DHX57: variants seen among roughly 807,000 people sequenced by gnomAD.
The protein encoded by DHX57 is DExH-box helicase 57, also known as putative ATP-dependent RNA helicase DHX57.
A neutral mutation model predicts 156.2 loss-of-function variants in DHX57; 105 were observed. That is an observed-to-expected ratio of 0.67 (90% confidence interval 0.57 to 0.79). The LOEUF is 0.79. DHX57 is among the 30% of genes least tolerant of loss of function. The pLI, the probability that DHX57 is intolerant of heterozygous loss-of-function variation, is 0.00. For synonymous variants in DHX57, 704 were observed against 595.6 expected, an observed-to-expected ratio of 1.18 and a Z score of -2.65; for missense variants, 1,847 against 1,661.9, an observed-to-expected ratio of 1.11 and a Z score of -1.94.
In DHX57 at chr2:38,844,356, C is replaced by T. The variant is rs1311337405; in HGVS notation, c.2220-1146G>A. 3.7e-4 allele frequency among the ~76,000 whole-genome samples: 2 copies of T among 5,418 alleles called. 1 individual carries two copies. The highest frequency in any genetic ancestry group is 3.7e-4 in the African/African-American group (2 of 5,346). The allele number at this position is 5,418 out of a possible 152,430, so 3.6% of individuals were successfully genotyped here. Reference sequence around the variant, plus strand: ...CTAATAAAGAAATGATTAGGCCGGGCGCGGTGGCTCACGCCTGTAATCCCA... The same window carrying T: ...CTAATAAAGAAATGATTAGGCCGGGTGCGGTGGCTCACGCCTGTAATCCCA... On this transcript the variant is annotated intron_variant, in intron 11 of 23. Coordinates refer to ENST00000457308, the MANE Select transcript of DHX57 (RefSeq NM_198963.3).
At chr2:38,856,521 T>G (rs1672907771) in intron 6 of DHX57, 60 bp from the exon 7 acceptor site, 9 of 1,476,030 alleles carry the variant, frequency 6.1e-6, no homozygotes, top group Non-Finnish European at 8.1e-6. Context: ...TTTTTTTTTT[T>G]TGAGACAGGG....
At chr2:38,802,357 G>A (rs55722804) in intron 23 of DHX57, among the ~76,000 whole-genome samples, 10,706 of 150,826 alleles carry the variant, frequency 0.071, 514 homozygotes, top group Non-Finnish European at 0.1. Flanking sequence ...GCACGATCTC[G>A]GCTCACTGCA....
intron 13 of DHX57, among the ~76,000 whole-genome samples, chr2:38,829,765 G>A (rs1671288254): frequency 6.6e-6 from 1 of 151,952 alleles, no homozygotes; most frequent in African/African-American, 2.4e-5. Flanking sequence ...AACCTTATAA[G>A]ACAGGAAGAC....
chr2:38,798,217 T>G lies in DHX57; in HGVS notation c.*82A>C. ...CACCAGGGCCAGCCCCAATAGGTCT[T>G]TAGTTCGAGGTAGAGGTTCTGCTGT... On this transcript the variant is annotated 3_prime_UTR_variant, in exon 24 of 24. Transcript: ENST00000457308. 1 of 1,530,470 alleles carries G rather than the reference T, an allele frequency of 6.5e-7. No homozygotes were observed. Among genetic ancestry groups the G allele is most frequent in the Non-Finnish European group, 8.8e-7 (1 of 1,140,380 alleles). 94.8% of individuals were successfully genotyped at this position (1,530,470 alleles called of 1,614,324 possible).
intron 21 of DHX57, chr2:38,811,366 C>T (rs1429297004): frequency 5.6e-6 from 3 of 537,874 alleles, no homozygotes; most frequent in Admixed American, 2.2e-5. Context: ...GAGCAATTTC[C>T]ACTTGTTTGC....
At chr2:38,814,741 A>G (rs963655047) in intron 20 of DHX57, among the ~76,000 whole-genome samples, 7 of 145,106 alleles carry the variant, frequency 4.8e-5, no homozygotes, top group African/African-American at 1.8e-4. Flanking sequence ...TTTTTTTTTG[A>G]GACAGAGTTT....
At chr2:38,811,191 C>T (rs769489919) in intron 21 of DHX57, 1 of 493,978 alleles carries the variant, frequency 2.0e-6, no homozygotes, top group Admixed American at 2.7e-5. Context: ...TCTGCATATT[C>T]CATCAGATCA....
At chr2:38,823,319 G>T in intron 16 of DHX57, 50 bp from the exon 17 acceptor site, 1 of 1,516,028 alleles carries the variant, frequency 6.6e-7, no homozygotes, top group Non-Finnish European at 9.0e-7. Context: ...CTGGTGGGAT[G>T]ACACAGAGGA....
Position 38,815,637 on chromosome 2 carries a change from G to T in DHX57, c.3490C>A (p.Arg1164=). The change falls in exon 20 of 24, where the codon CGA becomes AGA. Residue 1164 remains arginine, a synonymous_variant. Transcript: ENST00000457308. ...TCCGATAACAGTTCCGTGAATTGTC[G>T]TTTGAGGCTGGCCATTTCCTGAAAG... The part of the protein sequence containing the change: ...RVLQEMASLK[R]QFTELLSDIG... 2 of 1,614,010 alleles carry T rather than the reference G, an allele frequency of 1.2e-6. No individual in the cohort carries two copies. The highest frequency in any genetic ancestry group is 1.3e-5 in the African/African-American group (1 of 74,980).
rs192704380 is a variant in DHX57 at position 38,850,640 on chromosome 2, T to A, written c.2031-2238A>T. ...TGAAAACATTCTTATACTACTTAGC[T>A]CTTTTTAATGAGCTAATTTAATTAC... On this transcript the variant is annotated intron_variant, in intron 9 of 23. Transcript: ENST00000457308. 9.1e-4 allele frequency among the ~76,000 whole-genome samples: 139 copies of A among 152,172 alleles called. 1 individual carries two copies. Among genetic ancestry groups the A allele is most frequent in the Middle Eastern group, 3.4e-3 (1 of 294 alleles).
rs34221239 is a variant in DHX57, at chr2:38,807,945, C to CT, written c.3682-1253dup. On this transcript the variant is annotated intron_variant, in intron 21 of 23. Transcript: ENST00000457308. ...ACAGGCGTGAGCCACTGTGTCTTGC[C>CT]TTTTTTTTTTTTTTTTTTTTTTTTT... Among the ~76,000 whole-genome samples the CT allele has an allele frequency of 4.0e-3, 217 of 54,262 alleles. 70 individuals are homozygous for CT. Among genetic ancestry groups the CT allele is most frequent in the Non-Finnish European group, 5.9e-3 (166 of 28,110 alleles). The allele number at this position is 54,262 out of a possible 152,430, so 35.6% of individuals were successfully genotyped here.
At position 38,868,230 on chromosome 2, in the gene DHX57, T is replaced by C. The variant is rs1007144645; in HGVS notation, c.176A>G (p.Asp59Gly). Residue 59 changes from aspartate to glycine, a missense_variant, in exon 2 of 24, where the codon GAT becomes GGT. Physicochemically the swap from Asp to Gly is moderately conservative, Grantham distance 94. Transcript: ENST00000457308. ...GAAGATACAAAAGTCATCTCCATCA[T>C]CCCATATTCTACTGGAGGCCTTTCT... ...GNRKASSRIWDDGDDFCIFSE... is the reference protein window; with the variant it reads ...GNRKASSRIWGDGDDFCIFSE... 4 of 1,614,090 alleles carry C rather than the reference T, an allele frequency of 2.5e-6. No homozygotes were observed. The highest frequency in any genetic ancestry group is 3.4e-6 in the Non-Finnish European group (4 of 1,180,012).
At chr2:38,846,627 A>G (rs1355764328) in intron 11 of DHX57, among the ~76,000 whole-genome samples, 1 of 151,780 alleles carries the variant, frequency 6.6e-6, no homozygotes, top group East Asian at 1.9e-4. Context: ...AAAAAAAAAA[A>G]AAAAGAAAGA....
intron 12 of DHX57, among the ~76,000 whole-genome samples, 156 bp downstream of exon 12, chr2:38,842,849 A>G (rs925271902): frequency 6.6e-6 from 1 of 152,222 alleles, no homozygotes; most frequent in African/African-American, 2.4e-5. Context: ...CTAAATATGT[A>G]TCTGAACTAT....
intron 6 of DHX57, chr2:38,857,058 C>A (rs1323975403): frequency 1.3e-5 from 2 of 153,688 alleles, no homozygotes; most frequent in Admixed American, 1.3e-4. Context: ...CCAGTACTGT[C>A]CAATAGAACT....
intron 7 of DHX57, 117 bp from the exon 8 acceptor site, chr2:38,855,369 T>A (rs1234806422): frequency 3.5e-6 from 4 of 1,145,890 alleles, no homozygotes; most frequent in Non-Finnish European, 5.1e-6. Flanking sequence ...GTTGTTCAGT[T>A]TCAGGTATTT....
chr2:38,832,549 A>T (rs200378565), intron 13 of DHX57, among the ~76,000 whole-genome samples: 36 of 21,858 alleles, frequency 1.6e-3, no homozygotes, highest in Non-Finnish European at 4.8e-3. Flanking sequence ...ATATATATAT[A>T]TATTTTTTTT....
At chr2:38,854,002 C>A in intron 9 of DHX57, 52 bp downstream of exon 9, 1 of 1,506,914 alleles carries the variant, frequency 6.6e-7, no homozygotes. Flanking sequence ...TTTTTTCTGC[C>A]ATGCCTTCAA....
chr2:38,861,677 T>C lies in DHX57; in HGVS notation c.733A>G (p.Met245Val), dbSNP rs189877994. ...AATGCCTCTTCCTGTCGCTGTTCCA[T>C]ACACTCATCCAAGCTTATCTGGTTG... ...AVNQISLDEC[M>V]EQRQEEAFAL... The change falls in exon 5 of 24, where the codon ATG becomes GTG. Residue 245 changes from methionine (M) to valine (V), a missense_variant. Coordinates refer to ENST00000457308, the MANE Select transcript of DHX57 (RefSeq NM_198963.3). 7.4e-5 allele frequency: 119 copies of C among 1,614,204 alleles called. No homozygotes were observed. In the Admixed American group the frequency reaches 9.0e-4, roughly 12 times the overall value.
Sources: allele counts gnomAD v4.1 joint callset (sites outside exome capture counted in the v4.1 genomes callset), GRCh38; gene constraint gnomAD v4.1.1; transcripts MANE v1.5; gene names NCBI Gene and HGNC (gene_info 2026-07-23, HGNC 2026-07-21).